Variants in IFT122 observed in about 807,000 individuals in gnomAD.
The protein encoded by IFT122 is intraflagellar transport 122, also known as intraflagellar transport protein 122 homolog.
In IFT122, 118 loss-of-function variants were observed where a neutral mutation model predicts 161.6. The observed-to-expected ratio is 0.73, with a 90% CI of 0.63 to 0.85. The LOEUF is 0.85. IFT122 is among the 40% of genes least tolerant of loss of function. IFT122 has a pLI of 0.00. For missense variants in IFT122, 1,381 were observed against 1,579.6 expected, an observed-to-expected ratio of 0.87 and a Z score of 2.13; for synonymous variants, 550 against 602.4, an observed-to-expected ratio of 0.91 and a Z score of 1.27.
intron 18 of IFT122, among the ~76,000 whole-genome samples, chr3:129,497,044 G>A (rs2080941471): frequency 6.6e-6 from 1 of 152,200 alleles, no homozygotes; most frequent in Admixed American, 6.5e-5. Context: ...ACTTTGGGAG[G>A]CTGAAGTGGG....
chr3:129,460,013 G>C (rs2076055782), intron 4 of IFT122, among the ~76,000 whole-genome samples: 1 of 151,530 alleles, frequency 6.6e-6, no homozygotes, highest in African/African-American at 2.4e-5. Flanking sequence ...TCCTCTCAAA[G>C]TACTGGGATT....
In IFT122 at chr3:129,499,808, A is replaced by G. The variant is rs1179137629; in HGVS notation, c.2209-94A>G. On this transcript the variant is annotated intron_variant, in intron 18 of 29. Coordinates refer to ENST00000348417, the MANE Select transcript of IFT122 (RefSeq NM_052989.3). Reference sequence around the variant, plus strand: ...TACCTCCTGGTTGCCTGCTTCAGCCATGTGGAGCCCGCCCTTGCTGCTAGA... The same window carrying G: ...TACCTCCTGGTTGCCTGCTTCAGCCGTGTGGAGCCCGCCCTTGCTGCTAGA... The G allele has an allele frequency of 6.0e-6, 9 of 1,501,938 alleles. No individual in the cohort carries two copies. The Admixed American group carries it at 1.5e-4, about 25-fold the overall frequency. 93.0% of individuals were successfully genotyped at this position (1,501,938 alleles called of 1,614,324 possible).
chr3:129,458,596 T>C lies in IFT122; in HGVS notation c.194-3T>C. 1 of 1,613,386 alleles carries C rather than the reference T, an allele frequency of 6.2e-7. No homozygotes were observed. Among genetic ancestry groups the C allele is most frequent in the Non-Finnish European group, 8.5e-7 (1 of 1,179,310 alleles). On this transcript the variant is annotated splice_polypyrimidine_tract_variant and splice_region_variant and intron_variant, in intron 3 of 29. Transcript: ENST00000348417. The stretch of plus-strand genomic sequence containing the variant: ...AGACTTTCCATTTTACAAACACTTT[T>C]AGGCAAGCGCTTTGCTTCTGGATCA...
chr3:129,483,565 CA>C lies in IFT122; in HGVS notation c.1737del (p.Ala580ProfsTer75). The C allele has an allele frequency of 6.2e-7, 1 of 1,614,156 alleles. No individual in the cohort carries two copies. Among genetic ancestry groups the C allele is most frequent in the Non-Finnish European group, 8.5e-7 (1 of 1,180,026 alleles). ...CFSGGGYLNI[K>X]ASTFPVHRQK... Reference sequence around the variant, plus strand: ...TCTCGGGAGGAGGCTACCTCAACATCAAAGCCAGCACCTTCCCTGTGCACCG... The same window carrying C: ...TCTCGGGAGGAGGCTACCTCAACATCAAGCCAGCACCTTCCCTGTGCACCG... On this transcript the variant is annotated frameshift_variant, in exon 15 of 30. Coordinates refer to ENST00000348417, the MANE Select transcript of IFT122 (RefSeq NM_052989.3). LOFTEE classifies it high-confidence loss of function.
At chr3:129,506,012 C>T (rs1399618670) in intron 21 of IFT122, among the ~76,000 whole-genome samples, 2 of 152,194 alleles carry the variant, frequency 1.3e-5, no homozygotes, top group African/African-American at 2.4e-5. Flanking sequence ...CATTTTACCT[C>T]CAAGTGCAGT....
chr3:129,508,468 C>T (rs1373169048), intron 23 of IFT122, among the ~76,000 whole-genome samples: 2 of 152,204 alleles, frequency 1.3e-5, no homozygotes, highest in Admixed American at 6.5e-5. Flanking sequence ...CTGTCACCCC[C>T]ATGTTACAGA....
intron 1 of IFT122, among the ~76,000 whole-genome samples, chr3:129,442,365 A>G (rs905284823): frequency 1.3e-5 from 2 of 152,182 alleles, no homozygotes; most frequent in Non-Finnish European, 2.9e-5. Context: ...ATAGTAATAA[A>G]ATACTAGATA....
chr3:129,495,667 C>A, intron 18 of IFT122, 60 bp downstream of exon 18: 1 of 1,583,436 alleles, frequency 6.3e-7, no homozygotes, highest in Non-Finnish European at 8.7e-7. Context: ...TTCTCACGTG[C>A]GGTGTCCAAG....
At chr3:129,455,810 GAAA>G (rs1248905708) in intron 3 of IFT122, among the ~76,000 whole-genome samples, 2 of 151,632 alleles carry the variant, frequency 1.3e-5, no homozygotes. Context: ...TGTTAATTGA[GAAA>G]AAAGAAAAAT....
intron 11 of IFT122, among the ~76,000 whole-genome samples, chr3:129,477,776 G>A (rs769827974): frequency 2.0e-5 from 3 of 152,228 alleles, no homozygotes; most frequent in Non-Finnish European, 4.4e-5. Flanking sequence ...TGGTAACAGT[G>A]AGTAGTTTAT....
chr3:129,506,721 G>T (rs1042351099), intron 22 of IFT122, among the ~76,000 whole-genome samples, 172 bp downstream of exon 22: 1 of 152,162 alleles, frequency 6.6e-6, no homozygotes, highest in African/African-American at 2.4e-5. Context: ...TTTCCAGTTT[G>T]CCCATCAGAA....
Position 129,461,225 on chromosome 3 carries a change from C to T in IFT122, c.273-3C>T, listed in dbSNP as rs763938738. 4.3e-5 allele frequency: 70 copies of T among 1,610,080 alleles called. No homozygotes were observed. The highest frequency in any genetic ancestry group is 5.3e-5 in the Non-Finnish European group (62 of 1,176,256). ...TAGTAATCTACAGTTGTTTACTTCC[C>T]AGGCACAATGATGCTATACAATGTG... is the stretch of plus-strand genomic sequence containing the variant. On this transcript the variant is annotated splice_polypyrimidine_tract_variant and splice_region_variant and intron_variant, in intron 4 of 29. Transcript: ENST00000348417.
chr3:129,519,568 C>T lies in IFT122; in HGVS notation c.3472C>T (p.Gln1158Ter), dbSNP rs965271899. 1.2e-6 allele frequency: 2 copies of T among 1,613,346 alleles called. No individual in the cohort carries two copies. Among genetic ancestry groups the T allele is most frequent in the Non-Finnish European group, 1.7e-6 (2 of 1,180,022 alleles). ...DPFTAKLSFE[Q>*]GGSEFVPVVV... ...TGCCTCCTTCCCGCCCACCCTGCAG[C>T]AAGGTGGCTCAGAGTTCGTGCCAGT... The change falls in exon 29 of 30, where the codon CAA (glutamine) becomes TAA (stop). Residue 1158 changes from glutamine (Q) to a stop codon, truncating the protein, a stop_gained and splice_region_variant. Coordinates refer to ENST00000348417, the MANE Select transcript of IFT122 (RefSeq NM_052989.3). LOFTEE classifies it high-confidence loss of function.
intron 3 of IFT122, among the ~76,000 whole-genome samples, chr3:129,454,080 G>T (rs1384654702): frequency 6.6e-6 from 1 of 152,142 alleles, no homozygotes; most frequent in African/African-American, 2.4e-5. Flanking sequence ...AACTTCTTTT[G>T]GCTGATGGGC....
At chr3:129,472,168 T>C (rs1334034588) in intron 9 of IFT122, among the ~76,000 whole-genome samples, 1 of 152,160 alleles carries the variant, frequency 6.6e-6, no homozygotes, top group Non-Finnish European at 1.5e-5. Context: ...TTATTTACTT[T>C]TTGAGAAAAG....
At chr3:129,501,157 G>C (rs1026738938) in intron 19 of IFT122, among the ~76,000 whole-genome samples, 9 of 152,102 alleles carry the variant, frequency 5.9e-5, no homozygotes, top group Non-Finnish European at 1.0e-4. Flanking sequence ...CCTTGAGGGG[G>C]AAGGCTTTGT....
intron 18 of IFT122, 58 bp from the exon 19 acceptor site, chr3:129,499,844 G>A (rs2081326744): frequency 1.9e-6 from 3 of 1,603,906 alleles, no homozygotes; most frequent in South Asian, 2.2e-5. Context: ...AAAGCCTGAT[G>A]TAACGCTGGC....
At chr3:129,444,710 T>G (rs997349658) in intron 1 of IFT122, among the ~76,000 whole-genome samples, 1 of 152,140 alleles carries the variant, frequency 6.6e-6, no homozygotes, top group Non-Finnish European at 1.5e-5. Flanking sequence ...TTAGTAGAGA[T>G]ACAGTTTCAC....
chr3:129,475,460 G>A (rs995287831), intron 9 of IFT122, among the ~76,000 whole-genome samples: 2 of 152,056 alleles, frequency 1.3e-5, no homozygotes, highest in Non-Finnish European at 2.9e-5. Context: ...GAGACTAGCC[G>A]GGACAACAAG....
Sources: allele counts gnomAD v4.1 joint callset (sites outside exome capture counted in the v4.1 genomes callset), GRCh38; gene constraint gnomAD v4.1.1; transcripts MANE v1.5; gene names NCBI Gene and HGNC (gene_info 2026-07-23, HGNC 2026-07-21).